The following EPAS1 variants were observed in gnomAD, a reference collection of about 807,000 sequenced individuals.
EPAS1 encodes the protein endothelial PAS domain-containing protein 1.
A neutral mutation model predicts 87.9 loss-of-function variants in EPAS1; 23 were observed. The observed-to-expected ratio is 0.26, with a 90% CI of 0.19 to 0.37. The LOEUF is 0.37. Ranked by LOEUF, EPAS1 falls within the 10% of genes least tolerant of loss-of-function variation. The probability of loss-of-function intolerance (pLI) is 1.00; values close to 1 mark genes in which losing one functional copy is unlikely to be tolerated. For synonymous variants in EPAS1, 508 were observed against 444.3 expected, an observed-to-expected ratio of 1.14 and a Z score of -1.80; for missense variants, 1,138 against 1,120.7, an observed-to-expected ratio of 1.02 and a Z score of -0.22.
intron 1 of EPAS1, among the ~76,000 whole-genome samples, chr2:46,329,803 C>G (rs1179130029): frequency 6.6e-6 from 1 of 152,142 alleles, no homozygotes; most frequent in African/African-American, 2.4e-5. Context: ...GGTGACAGAG[C>G]AAGACTCCAT....
intron 1 of EPAS1, among the ~76,000 whole-genome samples, chr2:46,311,481 T>C (rs558777259): frequency 6.6e-6 from 1 of 152,146 alleles, no homozygotes; most frequent in South Asian, 2.1e-4. Context: ...TCCTAAGAAC[T>C]CCCCTAGGCT....
intron 1 of EPAS1, among the ~76,000 whole-genome samples, chr2:46,304,622 T>C (rs1289856653): frequency 6.6e-6 from 1 of 152,104 alleles, no homozygotes; most frequent in Non-Finnish European, 1.5e-5. Context: ...TTTTCATGGG[T>C]TTTCCTAGAC....
At chr2:46,376,007 T>A (rs1684738378) in intron 8 of EPAS1, among the ~76,000 whole-genome samples, 170 bp downstream of exon 8, 1 of 152,152 alleles carries the variant, frequency 6.6e-6, no homozygotes, top group Non-Finnish European at 1.5e-5. Context: ...TTCCTGTGGA[T>A]GTCTTGGAAC....
At chr2:46,307,481 G>A (rs531631705) in intron 1 of EPAS1, among the ~76,000 whole-genome samples, 1 of 152,214 alleles carries the variant, frequency 6.6e-6, no homozygotes, top group South Asian at 2.1e-4. Flanking sequence ...TTCTGTACCC[G>A]GGACTTAGGG....
intron 1 of EPAS1, among the ~76,000 whole-genome samples, chr2:46,301,824 GAAAA>G (rs3053640): frequency 1.2e-3 from 153 of 131,416 alleles, no homozygotes; most frequent in African/African-American, 4.5e-3. Context: ...TTTGCTTTTT[GAAAA>G]AAAAAAAAAA....
At chr2:46,377,808 C>A in intron 9 of EPAS1, 86 bp from the exon 10 acceptor site, 1 of 1,550,436 alleles carries the variant, frequency 6.4e-7, no homozygotes, top group East Asian at 2.4e-5. Context: ...CCTCTTAGGG[C>A]CTTCTCTGCG....
At chr2:46,381,407 T>A in intron 12 of EPAS1, 189 bp from the exon 13 acceptor site, 1 of 842,662 alleles carries the variant, frequency 1.2e-6, no homozygotes. Context: ...CAGCATCTTA[T>A]AGCTGAGGAA....
At chr2:46,341,653 C>A (rs1683916409) in intron 1 of EPAS1, among the ~76,000 whole-genome samples, 1 of 152,168 alleles carries the variant, frequency 6.6e-6, no homozygotes, top group Non-Finnish European at 1.5e-5. Flanking sequence ...GGACACAGTG[C>A]ATGGTAGAGG....
intron 1 of EPAS1, among the ~76,000 whole-genome samples, chr2:46,306,484 A>C (rs1437667545): frequency 1.3e-5 from 2 of 152,234 alleles, no homozygotes; most frequent in African/African-American, 4.8e-5. Flanking sequence ...CCATGAGCAC[A>C]AAAGGGTGAC....
At position 46,371,685 on chromosome 2, in the gene EPAS1, A is replaced by G. The variant is rs2103655608; in HGVS notation, c.886+1752A>G. Among the ~76,000 whole-genome samples the G allele has an allele frequency of 6.6e-6, 1 of 152,346 alleles. No individual in the cohort carries two copies. Among genetic ancestry groups the G allele is most frequent in the African/African-American group, 2.4e-5 (1 of 41,574 alleles). ...CTGAGGGGTTCCTGTTTTCAAAGGC[A>G]GGTGACAGAATCATCCAGGCACTGG... On this transcript the variant is annotated intron_variant, in intron 7 of 15. Transcript: ENST00000263734. The surrounding 1 kb of genome is among the most constrained non-coding windows in gnomAD (Gnocchi z 4.3).
chr2:46,378,222 C>CT (rs765423194), intron 10 of EPAS1, 135 bp downstream of exon 10: 5 of 1,420,218 alleles, frequency 3.5e-6, no homozygotes, highest in Non-Finnish European at 4.6e-6. Flanking sequence ...GGCCGTGACA[C>CT]TTACCTACCA....
chr2:46,351,926 T>A (rs116219732), intron 2 of EPAS1, among the ~76,000 whole-genome samples: 86 of 152,266 alleles, frequency 5.6e-4, no homozygotes, highest in Non-Finnish European at 5.9e-4. Flanking sequence ...ACATGGGCGG[T>A]GCTGCCTGAA....
intron 3 of EPAS1, among the ~76,000 whole-genome samples, 156 bp from the exon 4 acceptor site, chr2:46,356,568 T>C (rs999698092): frequency 6.6e-6 from 1 of 152,192 alleles, no homozygotes; most frequent in African/African-American, 2.4e-5. Flanking sequence ...CCCGATTACA[T>C]CTTTCTGTCT....
In EPAS1 at chr2:46,366,252, A is replaced by AT. The variant is rs1209866015; in HGVS notation, c.780-3568dup. The stretch of plus-strand genomic sequence containing the variant: ...CACTCACGCTGTAGCCAAGAGAATA[A>AT]TTTTTTTGCGAGCACTCTGCTGTAG... On this transcript the variant is annotated intron_variant, in intron 6 of 15. Transcript: ENST00000263734. 6.6e-5 allele frequency among the ~76,000 whole-genome samples: 10 copies of AT among 152,310 alleles called. No individual in the cohort carries two copies. The South Asian group carries it at 1.7e-3, about 25-fold the overall frequency.
chr2:46,364,799 C>T (rs1444081577), intron 6 of EPAS1, among the ~76,000 whole-genome samples: 2 of 152,138 alleles, frequency 1.3e-5, no homozygotes, highest in African/African-American at 2.4e-5. Flanking sequence ...AGGCAATATA[C>T]TCTGTTTCCC....
chr2:46,352,616 C>T (rs1308506127), intron 2 of EPAS1, among the ~76,000 whole-genome samples: 1 of 152,130 alleles, frequency 6.6e-6, no homozygotes, highest in Non-Finnish European at 1.5e-5. Flanking sequence ...TCCTGGCTCC[C>T]CAGTTTTCAC....
intron 1 of EPAS1, among the ~76,000 whole-genome samples, chr2:46,334,803 A>G (rs1424832054): frequency 6.6e-6 from 1 of 152,258 alleles, no homozygotes; most frequent in African/African-American, 2.4e-5. Context: ...AAATTTGGAA[A>G]AGACTTTTAG....
chr2:46,339,071 G>A (rs74779328), intron 1 of EPAS1, among the ~76,000 whole-genome samples: 1,714 of 152,258 alleles, frequency 0.011, 28 homozygotes, highest in African/African-American at 0.04. Flanking sequence ...AAACCATAAC[G>A]AAAAGCAATA....
intron 1 of EPAS1, among the ~76,000 whole-genome samples, chr2:46,319,704 G>A (rs746929449): frequency 6.6e-5 from 10 of 152,166 alleles, no homozygotes; most frequent in Admixed American, 1.3e-4. Context: ...TTGGAGCCAG[G>A]TGCCTGCGGT....
Sources: allele counts gnomAD v4.1 joint callset (sites outside exome capture counted in the v4.1 genomes callset), GRCh38; gene constraint gnomAD v4.1.1; non-coding constraint Gnocchi (gnomAD v3.1); transcripts MANE v1.5; gene names NCBI Gene and HGNC (gene_info 2026-07-23, HGNC 2026-07-21).